The following ZNF844 variants were observed in gnomAD, a reference collection of about 807,000 sequenced individuals.
ZNF844 encodes the protein zinc finger protein 844.
Under a neutral mutation model 11.4 loss-of-function variants are expected in ZNF844, and 11 were observed. The ratio of observed to expected loss-of-function variants is 0.97; its 90% CI spans 0.61 to 1.60. ZNF844 has a LOEUF of 1.60. ZNF844 is among the 40% of genes most tolerant of loss of function. The pLI is 0.00. For missense variants in ZNF844, 790 were observed against 796.8 expected (o/e 0.99, Z 0.10); for synonymous variants, 248 against 260.3 (o/e 0.95, Z 0.46).
chr19:12,075,562 A>G lies in ZNF844; in HGVS notation c.442A>G (p.Lys148Glu), dbSNP rs547621051. ...QEPYKCQQRK[K>E]AFRCHPSFQM... ...GCCATATAAGTGTCAACAACGTAAGAAAGCCTTCAGATGTCACCCCTCCTT... is the reference window on the plus strand; with the variant it reads ...GCCATATAAGTGTCAACAACGTAAGGAAGCCTTCAGATGTCACCCCTCCTT... The change falls in exon 4 of 4, where the codon AAA becomes GAA. Residue 148 changes from lysine to glutamate, a missense_variant. By Grantham distance (56) the Lys-to-Glu change is moderately conservative. Coordinates refer to ENST00000439326, the MANE Select transcript of ZNF844 (RefSeq NM_001136501.3). The G allele has an allele frequency of 6.2e-7, 1 of 1,614,166 alleles. No homozygotes were observed. Among genetic ancestry groups the G allele is most frequent in the African/African-American group, 1.3e-5 (1 of 75,062 alleles).
chr19:12,080,734 C>G lies in ZNF844; in HGVS notation c.*3613C>G, dbSNP rs1191169049. On this transcript the variant is annotated 3_prime_UTR_variant, in exon 4 of 4. Transcript: ENST00000439326. ...CTGAAAGAATAGAACAATGAAAAAG[C>G]CCCATCTGTAATACAGTTTTTCTTT... The G allele has an allele frequency of 6.6e-6, 1 of 152,370 alleles. No individual in the cohort carries two copies. The highest frequency in any genetic ancestry group is 2.4e-5 in the African/African-American group (1 of 41,416). The allele number at this position is 152,370 out of a possible 1,614,324, so 9.4% of individuals were successfully genotyped here.
At position 12,080,362 on chromosome 19, in the gene ZNF844, AAAAAG is replaced by A. The variant is rs1268927681; in HGVS notation, c.*3243_*3247del. ...ACTCCGTCTCAAAAAAAAAAAAAAA[AAAAAG>A]AGAAGTCTGACAGGACAATAAAATT... On this transcript the variant is annotated 3_prime_UTR_variant, in exon 4 of 4. Transcript: ENST00000439326. 5 of 382,578 alleles carry A rather than the reference AAAAAG, an allele frequency of 1.3e-5. No homozygotes were observed. The highest frequency in any genetic ancestry group is 9.0e-5 in the East Asian group (1 of 11,130). 23.7% of individuals were successfully genotyped at this position (382,578 alleles called of 1,614,324 possible). A position where few individuals can be genotyped will look rare whatever the true frequency, so the allele number is the denominator to read the frequency against.
chr19:12,074,668 G>C (rs1234277121), intron 3 of ZNF844, among the ~76,000 whole-genome samples: 1 of 152,168 alleles, frequency 6.6e-6, no homozygotes, highest in Non-Finnish European at 1.5e-5. Context: ...AGAAGAGCCT[G>C]AGCAAAATGG....
intron 3 of ZNF844, among the ~76,000 whole-genome samples, chr19:12,074,680 G>A (rs376391829): frequency 1.1e-4 from 17 of 152,128 alleles, no homozygotes; most frequent in Non-Finnish European, 2.1e-4. Context: ...GCAAAATGGC[G>A]AGACTTCATC....
chr19:12,076,794 C>T lies in ZNF844; in HGVS notation c.1674C>T (p.Asn558=). 2 of 1,569,424 alleles carry T rather than the reference C, an allele frequency of 1.3e-6. No individual in the cohort carries two copies. Among genetic ancestry groups the T allele is most frequent in the African/African-American group, 1.4e-5 (1 of 73,590 alleles). Residue 558 remains asparagine (N), a synonymous_variant, in exon 4 of 4, where the codon AAC becomes AAT. Coordinates refer to ENST00000439326, the MANE Select transcript of ZNF844 (RefSeq NM_001136501.3). ...KFMKRHTLER[N]PIRNMEKHST... ...TGAAAAGACACACCCTGGAGAGAAA[C>T]CCTATAAGGAATATGGAAAAGCATT...
rs113977664 is a variant in ZNF844, at chr19:12,080,211, G to C, written c.*3090G>C. 1,346 of 196,982 alleles carry C rather than the reference G, an allele frequency of 6.8e-3. 18 individuals are homozygous for C. Among genetic ancestry groups the C allele is most frequent in the African/African-American group, 0.03 (1,274 of 41,796 alleles). The allele number at this position is 196,982 out of a possible 1,614,324, so 12.2% of individuals were successfully genotyped here. A position where few individuals can be genotyped will look rare whatever the true frequency, so the allele number is the denominator to read the frequency against. On this transcript the variant is annotated 3_prime_UTR_variant, in exon 4 of 4. Coordinates refer to ENST00000439326, the MANE Select transcript of ZNF844 (RefSeq NM_001136501.3). Reference sequence around the variant, plus strand: ...AAAAATACAAAAAAACTAGCTGGGCGTGGTGGTGGGCGCCTGTAGTCCCAG... The same window carrying C: ...AAAAATACAAAAAAACTAGCTGGGCCTGGTGGTGGGCGCCTGTAGTCCCAG...
intron 2 of ZNF844, 48 bp downstream of exon 2, chr19:12,074,205 T>C: frequency 6.2e-7 from 1 of 1,609,352 alleles, no homozygotes; most frequent in Non-Finnish European, 8.5e-7. Context: ...CAAGTGTTTC[T>C]AGCTCATTAA....
Position 12,077,146 on chromosome 19 carries a change from G to C in ZNF844, c.*25G>C, listed in dbSNP as rs769144554. On this transcript the variant is annotated 3_prime_UTR_variant, in exon 4 of 4. Transcript: ENST00000439326. The stretch of plus-strand genomic sequence containing the variant: ...AAACCGTATGAATGCAAGGAATGTG[G>C]CAAAGCCTTCACTTCTTCTGGTTCC... The C allele has an allele frequency of 3.1e-5, 50 of 1,601,376 alleles. No homozygotes were observed. The highest frequency in any genetic ancestry group is 4.3e-5 in the Non-Finnish European group (50 of 1,174,148).
rs1427299408 is a variant in ZNF844 at position 12,076,847 on chromosome 19, T to C, written c.1727T>C (p.Met576Thr). Reference protein sequence around the residue: ...HSTISLPFKYMQQCTEDRMPM... With the variant: ...HSTISLPFKYTQQCTEDRMPM... ...ACAATTTCTCTTCCTTTCAAATACA[T>C]GCAACAATGCACAGAGGACAGAATG... The change falls in exon 4 of 4, where the codon ATG becomes ACG. Residue 576 changes from methionine to threonine, a missense_variant. By Grantham distance (81) the Met-to-Thr change is moderately conservative (BLOSUM62 -1). This residue lies in a region of ZNF844 where 657 missense variants were observed against 636.2 expected (regional missense o/e 1.03). Transcript: ENST00000439326. 11 of 1,561,250 alleles carry C rather than the reference T, an allele frequency of 7.0e-6. No homozygotes were observed. The highest frequency in any genetic ancestry group is 9.5e-6 in the Non-Finnish European group (11 of 1,152,186).
At position 12,076,713 on chromosome 19, in the gene ZNF844, T is replaced by C. The variant is rs759819646; in HGVS notation, c.1593T>C (p.Cys531=). The C allele has an allele frequency of 5.6e-6, 9 of 1,613,196 alleles. No individual in the cohort carries two copies. The highest frequency in any genetic ancestry group is 5.0e-5 in the Admixed American group (3 of 59,740). The change falls in exon 4 of 4, where the codon TGT becomes TGC. Residue 531 remains cysteine, a synonymous_variant. Transcript: ENST00000439326. ...AAGGACTCACACTGGAAAGCAACTG[T>C]ATGAATCTAAACAATGTGAAAAAAC... ...CMKGLTLESN[C]MNLNNVKKPL...
intron 1 of ZNF844, among the ~76,000 whole-genome samples, chr19:12,068,850 T>C (rs1311325252): frequency 2.0e-5 from 3 of 152,146 alleles, no homozygotes; most frequent in Non-Finnish European, 1.5e-5. Flanking sequence ...TATTTTCTCA[T>C]TGAATCAGAC....
Position 12,080,398 on chromosome 19 carries a change from A to G in ZNF844, c.*3277A>G, listed in dbSNP as rs35056955. On this transcript the variant is annotated 3_prime_UTR_variant, in exon 4 of 4. Coordinates refer to ENST00000439326, the MANE Select transcript of ZNF844 (RefSeq NM_001136501.3). ...TCTGACAGGACAATAAAATTTAGAA[A>G]TGGAGTTGGAGGATGTCATAATACA... 4,243 of 390,292 alleles carry G rather than the reference A, an allele frequency of 0.011. 40 individuals are homozygous for G. The highest frequency in any genetic ancestry group is 0.014 in the Non-Finnish European group (2,872 of 202,362). The allele number at this position is 390,292 out of a possible 1,614,324, so 24.2% of individuals were successfully genotyped here. A position where few individuals can be genotyped will look rare whatever the true frequency, so the allele number is the denominator to read the frequency against.
chr19:12,065,544 G>A (rs74257955), intron 1 of ZNF844, among the ~76,000 whole-genome samples: 1 of 152,160 alleles, frequency 6.6e-6, no homozygotes, highest in East Asian at 2.0e-4. Flanking sequence ...GATGGACCAC[G>A]CAACGCCGAA....
At position 12,077,705 on chromosome 19, in the gene ZNF844, A is replaced by C; in HGVS notation, c.*584A>C. Reference sequence around the variant, plus strand: ...TGGTGCATGAAAGGACTCACACTGTAGAGCAACCCTATGAATATAAGCAAT... The same window carrying C: ...TGGTGCATGAAAGGACTCACACTGTCGAGCAACCCTATGAATATAAGCAAT... On this transcript the variant is annotated 3_prime_UTR_variant, in exon 4 of 4. Coordinates refer to ENST00000439326, the MANE Select transcript of ZNF844 (RefSeq NM_001136501.3). 2.2e-6 allele frequency: 1 copy of C among 462,280 alleles called. No homozygotes were observed. The highest frequency in any genetic ancestry group is 5.4e-5 in the East Asian group (1 of 18,690). 28.6% of individuals were successfully genotyped at this position (462,280 alleles called of 1,614,324 possible).
chr19:12,073,893 G>A (rs1975778143), intron 1 of ZNF844, 138 bp from the exon 2 acceptor site: 3 of 1,122,696 alleles, frequency 2.7e-6, no homozygotes, highest in African/African-American at 3.2e-5. Flanking sequence ...TGTAGACAGA[G>A]AGTAATGGGT....
At position 12,077,690 on chromosome 19, in the gene ZNF844, A is replaced by G; in HGVS notation, c.*569A>G. ...CTGTCTCACAACTTCTGGTGCATGA[A>G]AGGACTCACACTGTAGAGCAACCCT... is the stretch of plus-strand genomic sequence containing the variant. On this transcript the variant is annotated 3_prime_UTR_variant, in exon 4 of 4. Coordinates refer to ENST00000439326, the MANE Select transcript of ZNF844 (RefSeq NM_001136501.3). 2.0e-6 allele frequency: 1 copy of G among 494,528 alleles called. No homozygotes were observed. The highest frequency in any genetic ancestry group is 5.2e-5 in the East Asian group (1 of 19,178). The allele number at this position is 494,528 out of a possible 1,614,324, so 30.6% of individuals were successfully genotyped here. A position where few individuals can be genotyped will look rare whatever the true frequency, so the allele number is the denominator to read the frequency against.
At chr19:12,068,202 TG>T (rs1233932975) in intron 1 of ZNF844, among the ~76,000 whole-genome samples, 1 of 151,922 alleles carries the variant, frequency 6.6e-6, no homozygotes, top group Middle Eastern at 3.2e-3. Context: ...CCCAGCCACT[TG>T]GGAGGCTGAA....
chr19:12,067,951 A>AAGGAAGGAAGGAAG (rs1555717793), intron 1 of ZNF844, among the ~76,000 whole-genome samples: 202 of 14,632 alleles, frequency 0.014, 2 homozygotes, highest in African/African-American at 0.039. Flanking sequence ...AAAGAAGGAA[A>AAGGAAGGAAGGAAG]GAAGGAAAGA....
At chr19:12,067,286 T>G (rs1268267671) in intron 1 of ZNF844, among the ~76,000 whole-genome samples, 2 of 151,798 alleles carry the variant, frequency 1.3e-5, no homozygotes, top group African/African-American at 4.8e-5. Flanking sequence ...TGCACTCCAG[T>G]CTGGGTGACA....
Sources: gnomAD v4.1 joint callset for allele counts (sites outside exome capture counted in the v4.1 genomes callset) on GRCh38, gnomAD v4.1.1 for gene constraint, gnomAD v4.1.1 regional missense constraint, MANE v1.5 for transcripts, NCBI Gene and HGNC (gene_info 2026-07-23, HGNC 2026-07-21) for gene names.